The following GRAMD4 variants were observed in gnomAD, a reference collection of about 807,000 sequenced individuals.
GRAMD4 encodes GRAM domain-containing protein 4.
A neutral mutation model predicts 83.9 loss-of-function variants in GRAMD4; 25 were observed. That is an observed-to-expected ratio of 0.30 (90% CI 0.22 to 0.42). The LOEUF (loss-of-function observed/expected upper bound fraction) is 0.42, where lower values mean the gene tolerates loss of function less well. Among genes scored for constraint, GRAMD4 ranks in the 10% least tolerant of loss-of-function variants. The pLI is 1.00. For synonymous variants in GRAMD4, 336 were observed against 320.9 expected (o/e 1.05, Z -0.50); for missense variants, 593 against 788.7 (o/e 0.75, Z 2.97).
At chr22:46,595,362 A>G (rs2081251721) in intron 1 of GRAMD4, among the ~76,000 whole-genome samples, 1 of 151,872 alleles carries the variant, frequency 6.6e-6, no homozygotes. Flanking sequence ...TTCCGACTTT[A>G]TTTTCCTGGG....
intron 1 of GRAMD4, among the ~76,000 whole-genome samples, chr22:46,594,846 A>G (rs763940217): frequency 5.9e-5 from 9 of 151,960 alleles, no homozygotes; most frequent in Non-Finnish European, 1.0e-4. Context: ...GGCGCCCCAC[A>G]TGTTCTGAAG....
intron 3 of GRAMD4, among the ~76,000 whole-genome samples, chr22:46,655,750 C>G (rs1233669521): frequency 6.6e-6 from 1 of 152,194 alleles, no homozygotes; most frequent in South Asian, 2.1e-4. Context: ...TAATTCTGAC[C>G]CAGAAGCCTC....
At chr22:46,590,622 G>A (rs1424646660) in intron 1 of GRAMD4, among the ~76,000 whole-genome samples, 2 of 152,262 alleles carry the variant, frequency 1.3e-5, no homozygotes, top group Admixed American at 1.3e-4. Context: ...CTGGGCCCAG[G>A]TGAGTGTCAA....
chr22:46,673,124 T>A, intron 14 of GRAMD4, 127 bp downstream of exon 14: 1 of 792,010 alleles, frequency 1.3e-6, no homozygotes, highest in Non-Finnish European at 1.9e-6. Context: ...TATAGACTCC[T>A]TAAACTTGAG....
chr22:46,643,100 C>T (rs796306177), intron 3 of GRAMD4, among the ~76,000 whole-genome samples: 10 of 1,360 alleles, frequency 7.4e-3, no homozygotes, highest in South Asian at 0.031. Flanking sequence ...TCCATCCATC[C>T]ATCCATCCAT....
intron 1 of GRAMD4, among the ~76,000 whole-genome samples, chr22:46,581,892 C>T (rs1376892834): frequency 6.6e-6 from 1 of 152,234 alleles, no homozygotes; most frequent in Admixed American, 6.5e-5. Flanking sequence ...GTTTGGTCAC[C>T]TGTAAACGAA....
rs559307537 is a variant in GRAMD4, at chr22:46,578,604, C to T, written c.-50+1314C>T. ...TGAAGTCTGAAGTCTGTCTTCCTGA[C>T]TTTTGTGTCCCAGGCCCATTTGGGG... On this transcript the variant is annotated intron_variant, in intron 1 of 1. Transcript: ENST00000431155. Among the ~76,000 whole-genome samples, 9 of 152,286 alleles carry T rather than the reference C, an allele frequency of 5.9e-5. No individual in the cohort carries two copies. In the South Asian group the frequency reaches 1.0e-3, roughly 18 times the overall value.
At chr22:46,610,999 G>T (rs1014962850) in intron 1 of GRAMD4, among the ~76,000 whole-genome samples, 1 of 152,096 alleles carries the variant, frequency 6.6e-6, no homozygotes, top group East Asian at 1.9e-4. Flanking sequence ...GGGATCAAGT[G>T]AGGTCAGCAG....
chr22:46,626,605 T>C, intron 1 of GRAMD4, 146 bp from the exon 2 acceptor site: 2 of 544,678 alleles, frequency 3.7e-6, no homozygotes, highest in Non-Finnish European at 6.5e-6. Flanking sequence ...GGCTTGGAGG[T>C]GTGTGTGGGA....
chr22:46,585,459 G>C (rs1279729968), intron 1 of GRAMD4, among the ~76,000 whole-genome samples: 1 of 152,138 alleles, frequency 6.6e-6, no homozygotes, highest in African/African-American at 2.4e-5. Context: ...CAAAGTGCTG[G>C]GATTATAGGC....
chr22:46,664,295 A>T (rs550243915), intron 8 of GRAMD4, among the ~76,000 whole-genome samples, 178 bp downstream of exon 8: 3 of 152,264 alleles, frequency 2.0e-5, no homozygotes, highest in South Asian at 2.1e-4. Flanking sequence ...GTGCCCAGCC[A>T]TGGGGTGGCT....
In GRAMD4 at chr22:46,673,734, A is replaced by T. The variant is rs762913966; in HGVS notation, c.1304A>T (p.Asp435Val). 6.2e-7 allele frequency: 1 copy of T among 1,612,876 alleles called. No homozygotes were observed. Among genetic ancestry groups the T allele is most frequent in the Non-Finnish European group, 8.5e-7 (1 of 1,179,906 alleles). ...CCGGCCGGCCTGGGTAAAGAGGAGG[A>T]CGCCGGTCGCTTCCACAGCACCAAG... ...SAPAGLGKEE[D>V]AGRFHSTKKG... Residue 435 changes from aspartate (D) to valine (V), a missense_variant, in exon 15 of 19, where the codon GAC (aspartate) becomes GTC (valine). Asp to Val is a radical substitution (Grantham distance 152, BLOSUM62 -3). Coordinates refer to ENST00000406902, the MANE Select transcript of GRAMD4 (RefSeq NM_015124.5).
chr22:46,612,161 GC>G (rs2081424533), intron 1 of GRAMD4, among the ~76,000 whole-genome samples: 1 of 151,910 alleles, frequency 6.6e-6, no homozygotes, highest in African/African-American at 2.4e-5. Context: ...ACACCATCCC[GC>G]CTGGCTAACT....
At chr22:46,587,068 T>C (rs2147921150) in intron 1 of GRAMD4, among the ~76,000 whole-genome samples, 1 of 152,334 alleles carries the variant, frequency 6.6e-6, no homozygotes, top group African/African-American at 2.4e-5. Flanking sequence ...GCATGCTTTC[T>C]CAGCCCACTC....
At position 46,674,706 on chromosome 22, in the gene GRAMD4, G is replaced by A; in HGVS notation, c.1434G>A (p.Met478Ile). 3.7e-6 allele frequency: 6 copies of A among 1,613,134 alleles called. No individual in the cohort carries two copies. The highest frequency in any genetic ancestry group is 5.1e-6 in the Non-Finnish European group (6 of 1,179,688). ...GCCTCATCAACAGGGACCGGAAGATGCCCACGGACTACATCAGGAACGGGG... is the reference window on the plus strand; with the variant it reads ...GCCTCATCAACAGGGACCGGAAGATACCCACGGACTACATCAGGAACGGGG... Reference protein sequence around the residue: ...RCCLINRDRKMPTDYIRNGVL... With the variant: ...RCCLINRDRKIPTDYIRNGVL... The change falls in exon 16 of 19, where the codon ATG becomes ATA. Residue 478 changes from methionine (M) to isoleucine (I), a missense_variant. This residue lies in a region of GRAMD4 where 74 missense variants were observed against 152.7 expected (regional missense o/e 0.48). Transcript: ENST00000406902.
chr22:46,657,375 G>A (rs546167125), intron 3 of GRAMD4, among the ~76,000 whole-genome samples: 2 of 152,352 alleles, frequency 1.3e-5, no homozygotes, highest in South Asian at 4.1e-4. Context: ...CAGCGGTGTT[G>A]GTTTTAGGAG....
At chr22:46,668,451 CT>C (rs1192291747) in intron 11 of GRAMD4, among the ~76,000 whole-genome samples, 1 of 152,178 alleles carries the variant, frequency 6.6e-6, no homozygotes, top group Non-Finnish European at 1.5e-5. Flanking sequence ...CCCACCGCCC[CT>C]GGCCAGGGTT....
At chr22:46,630,117 C>T (rs1250739145) in intron 2 of GRAMD4, among the ~76,000 whole-genome samples, 2 of 151,356 alleles carry the variant, frequency 1.3e-5, no homozygotes, top group Admixed American at 6.6e-5. Flanking sequence ...CTCCACCTCC[C>T]AGGTTCAAGC....
At chr22:46,663,958 T>C (rs1168329466) in intron 7 of GRAMD4, 68 bp from the exon 8 acceptor site, 27 of 1,574,446 alleles carry the variant, frequency 1.7e-5, no homozygotes, top group Non-Finnish European at 2.3e-5. Flanking sequence ...GAACCGACTC[T>C]CCAGGGAGAC....
Sources: allele counts gnomAD v4.1 joint callset (sites outside exome capture counted in the v4.1 genomes callset), GRCh38; gene constraint gnomAD v4.1.1; regional missense constraint gnomAD v4.1.1; transcripts MANE v1.5; gene names NCBI Gene and HGNC (gene_info 2026-07-23, HGNC 2026-07-21).